CRIP2: variants seen among roughly 807,000 people sequenced by gnomAD.
The protein encoded by CRIP2 is cysteine rich protein 2.
CRIP2 carries 31 observed loss-of-function variants against 31.3 expected under a neutral mutation model. The observed-to-expected ratio is 0.99, with a 90% confidence interval of 0.74 to 1.34. The LOEUF is 1.34. CRIP2 is among the 40% of genes most tolerant of loss of function. The probability of loss-of-function intolerance (pLI) is 0.00; values close to 1 mark genes in which losing one functional copy is unlikely to be tolerated. For missense variants in CRIP2, 389 were observed against 301.6 expected (o/e 1.29, Z -2.15); for synonymous variants, 177 against 127.2 (o/e 1.39, Z -2.63).
upstream of CRIP2, chr14:105,473,250 G>A (rs1555435119): frequency 1.6e-5 from 23 of 1,470,586 alleles, no homozygotes; most frequent in Non-Finnish European, 1.9e-5. Context: ...ACTGACTGAT[G>A]CCTCCTCACC....
upstream of CRIP2, chr14:105,474,348 G>A (rs1396569003): frequency 1.3e-5 from 2 of 151,890 alleles, no homozygotes; most frequent in Non-Finnish European, 2.9e-5. This position sits in a 1 kb window ranked among gnomAD's most constrained non-coding sequence, Gnocchi z 5.1. Context: ...AAGCGGGACA[G>A]GCGCCGCGCG....
chr14:105,479,363 G>A, intron 6 of CRIP2, 73 bp from the exon 7 acceptor site: 1 of 1,599,828 alleles, frequency 6.3e-7, no homozygotes, highest in African/African-American at 1.3e-5. Context: ...CGGCCTGCAC[G>A]TTCTGGAAGC....
upstream of CRIP2, chr14:105,473,485 T>C (rs2083876050): frequency 6.5e-7 from 1 of 1,535,314 alleles, no homozygotes; most frequent in African/African-American, 1.4e-5. Context: ...CTCACAAACA[T>C]GCCTGGTGCA....
At chr14:105,476,697 G>T in intron 1 of CRIP2, 1 of 985,440 alleles carries the variant, frequency 1.0e-6, no homozygotes, top group Non-Finnish European at 1.2e-6. Context: ...CCTTGCTGCT[G>T]CTGGGACACG....
chr14:105,473,335 CG>C, upstream of CRIP2: 5 of 1,065,118 alleles, frequency 4.7e-6, no homozygotes, highest in South Asian at 3.7e-5. Flanking sequence ...GGCGGGGGGG[CG>C]GGGGGCATGT....
rs1035491616 is a variant in CRIP2, at chr14:105,478,306, C to A, written c.84C>A (p.Phe28Leu). Residue 28 changes from phenylalanine to leucine, a missense_variant, in exon 2 of 8, where the codon TTC (phenylalanine) becomes TTA (leucine). Phe to Leu is a conservative substitution (Grantham distance 22, BLOSUM62 0). Transcript: ENST00000329146. The surrounding 1 kb of genome is among the most constrained non-coding windows in gnomAD (Gnocchi z 4.9). ...VSSLGKDWHK[F>L]CLKCERCSKT... ...CCCTGGGGAAGGACTGGCACAAGTT[C>A]TGCCTCAAGTGCGAGCGCTGCAGCA... 5.7e-6 allele frequency: 9 copies of A among 1,574,536 alleles called. No individual in the cohort carries two copies. The highest frequency in any genetic ancestry group is 7.7e-6 in the Non-Finnish European group (9 of 1,162,260).
upstream of CRIP2, chr14:105,473,380 G>A (rs1476252133): frequency 3.3e-6 from 5 of 1,535,722 alleles, no homozygotes; most frequent in South Asian, 4.8e-5. Context: ...AATGGCAGTG[G>A]CTGCAGGGTG....
chr14:105,476,113 T>A (rs2083927839), intron 1 of CRIP2: 1 of 985,468 alleles, frequency 1.0e-6, no homozygotes, highest in Non-Finnish European at 1.2e-6. Context: ...TCAGTCTCTG[T>A]CCCAGCGAGG....
chr14:105,479,517 C>T (rs782741240), intron 7 of CRIP2, 24 bp downstream of exon 7: 19 of 1,612,926 alleles, frequency 1.2e-5, no homozygotes, highest in Non-Finnish European at 1.4e-5. Context: ...GGGTGGTCCA[C>T]GATGTCTTCC....
chr14:105,476,645 G>A, intron 1 of CRIP2: 1 of 985,474 alleles, frequency 1.0e-6, no homozygotes, highest in Non-Finnish European at 1.2e-6. Flanking sequence ...AGTGCTGGCA[G>A]CCCTGGGCTG....
Position 105,478,989 on chromosome 14 carries a change from C to G in CRIP2, c.348C>G (p.Val116=). The G allele has an allele frequency of 6.3e-7, 1 of 1,576,966 alleles. No individual in the cohort carries two copies. Among genetic ancestry groups the G allele is most frequent in the Non-Finnish European group, 8.6e-7 (1 of 1,165,652 alleles). Residue 116 remains valine, a synonymous_variant, in exon 5 of 8, where the codon GTC becomes GTG. Coordinates refer to ENST00000329146, the MANE Select transcript of CRIP2 (RefSeq NM_001312.4). This position sits in a 1 kb window ranked among gnomAD's most constrained non-coding sequence, Gnocchi z 4.9. ...PPKGPSRASS[V]TTFTGEPNTC... ...TCGTGCGCCCCACAGCCTCCAGTGT[C>G]ACCACTTTCACCGGGGAGCCCAACA... is the stretch of plus-strand genomic sequence containing the variant.
Position 105,478,312 on chromosome 14 carries a change from C to T in CRIP2, c.90C>T (p.Leu30=). 6.4e-7 allele frequency: 1 copy of T among 1,572,798 alleles called. No individual in the cohort carries two copies. Among genetic ancestry groups the T allele is most frequent in the Non-Finnish European group, 8.6e-7 (1 of 1,161,874 alleles). Residue 30 remains leucine (L), a synonymous_variant, in exon 2 of 8, where the codon CTC becomes CTT. Coordinates refer to ENST00000329146, the MANE Select transcript of CRIP2 (RefSeq NM_001312.4). This position sits in a 1 kb window ranked among gnomAD's most constrained non-coding sequence, Gnocchi z 4.9. The part of the protein sequence containing the change: ...SLGKDWHKFC[L]KCERCSKTLT... ...GGAAGGACTGGCACAAGTTCTGCCTCAAGTGCGAGCGCTGCAGCAAGACGC... is the reference window on the plus strand; with the variant it reads ...GGAAGGACTGGCACAAGTTCTGCCTTAAGTGCGAGCGCTGCAGCAAGACGC...
chr14:105,473,641 G>A (rs1555435203), upstream of CRIP2: 1 of 1,236,528 alleles, frequency 8.1e-7, no homozygotes, highest in African/African-American at 1.5e-5. Context: ...CGCTCAGCTG[G>A]GGCCAGAAGG....
intron 6 of CRIP2, 34 bp downstream of exon 6, chr14:105,479,253 C>G (rs782762445): frequency 2.0e-5 from 31 of 1,556,344 alleles, no homozygotes; most frequent in Non-Finnish European, 2.4e-5. Flanking sequence ...GGGGGCCGGG[C>G]AGGGGCGCGG....
At chr14:105,475,334 C>T (rs765941242) in intron 1 of CRIP2, 1 of 164,384 alleles carries the variant, frequency 6.1e-6, no homozygotes. Context: ...CCCCTACACC[C>T]GCTTCCCCCG....
chr14:105,476,642 G>A, intron 1 of CRIP2: 2 of 985,436 alleles, frequency 2.0e-6, no homozygotes, highest in Non-Finnish European at 2.4e-6. Flanking sequence ...CACAGTGCTG[G>A]CAGCCCTGGG....
intron 1 of CRIP2, 140 bp downstream of exon 1, chr14:105,475,045 T>TGGCC: frequency 9.5e-7 from 1 of 1,048,660 alleles, no homozygotes; most frequent in Non-Finnish European, 1.2e-6. Context: ...GGAGGCTGGC[T>TGGCC]GGCCGCGCTG....
chr14:105,479,643 T>TCCA lies in CRIP2; in HGVS notation c.618_620dup (p.Val206_Gln207insHis). 1 of 1,612,364 alleles carries TCCA rather than the reference T, an allele frequency of 6.2e-7. No individual in the cohort carries two copies. The highest frequency in any genetic ancestry group is 1.3e-5 in the African/African-American group (1 of 75,038). On this transcript the variant is annotated inframe_insertion, in exon 8 of 8. Coordinates refer to ENST00000329146, the MANE Select transcript of CRIP2 (RefSeq NM_001312.4). Reference sequence around the variant, plus strand: ...TATGACCGGGACCCCGAAGGCAAGGTCCAGCCCTAGGCTACAGCGGCTCTC... The same window carrying TCCA: ...TATGACCGGGACCCCGAAGGCAAGGTCCACCAGCCCTAGGCTACAGCGGCTCTC...
chr14:105,473,089 A>C, upstream of CRIP2: 2 of 857,174 alleles, frequency 2.3e-6, no homozygotes, highest in African/African-American at 1.7e-5. Flanking sequence ...GTAATGGCTT[A>C]GCCCCAGGCT....
Sources: gnomAD v4.1 joint callset for allele counts on GRCh38, gnomAD v4.1.1 for gene constraint, Gnocchi (gnomAD v3.1) non-coding constraint, MANE v1.5 for transcripts, NCBI Gene and HGNC (gene_info 2026-07-23, HGNC 2026-07-21) for gene names.